Variants in DCUN1D1 observed in about 807,000 individuals in gnomAD.
The protein encoded by DCUN1D1 is DCN1-like protein 1.
Under a neutral mutation model 39.0 loss-of-function variants are expected in DCUN1D1, and 3 were observed. That is an observed-to-expected ratio of 0.08 (90% CI 0.04 to 0.20). DCUN1D1 has a LOEUF of 0.20. DCUN1D1 is among the 10% of genes least tolerant of loss of function. DCUN1D1 has a pLI of 1.00. For missense variants in DCUN1D1, 158 were observed against 302.4 expected (o/e 0.52, Z 3.54); for synonymous variants, 82 against 96.3 (o/e 0.85, Z 0.87).
chr3:182,969,224 C>T (rs185524699), intron 1 of DCUN1D1, among the ~76,000 whole-genome samples: 1 of 152,252 alleles, frequency 6.6e-6, no homozygotes, highest in East Asian at 1.9e-4. Flanking sequence ...AAAGGCTATC[C>T]TAGAATAAAG....
At position 182,940,151 on chromosome 3, in the gene DCUN1D1, C is replaced by T. The variant is rs1726072272; in HGVS notation, c.*4943G>A. 1 of 152,138 alleles carries T rather than the reference C, an allele frequency of 6.6e-6. No individual in the cohort carries two copies. The highest frequency in any genetic ancestry group is 1.5e-5 in the Non-Finnish European group (1 of 68,028). The allele number at this position is 152,138 out of a possible 1,614,324, so 9.4% of individuals were successfully genotyped here. A position where few individuals can be genotyped will look rare whatever the true frequency, so the allele number is the denominator to read the frequency against. ...TTTCATTAATTGGTCTTCCCCCAAC[C>T]TTATGCCCTATAGTATTTCTTTTTG... On this transcript the variant is annotated 3_prime_UTR_variant, in exon 7 of 7. Transcript: ENST00000292782.
chr3:182,962,679 C>A (rs910032909), intron 3 of DCUN1D1, among the ~76,000 whole-genome samples: 2 of 152,202 alleles, frequency 1.3e-5, no homozygotes, highest in African/African-American at 4.8e-5. Flanking sequence ...CAGCTTACTG[C>A]AACTGCTACC....
chr3:182,947,509 A>AT, intron 5 of DCUN1D1, 41 bp downstream of exon 5: 1 of 1,292,838 alleles, frequency 7.7e-7, no homozygotes, highest in Non-Finnish European at 1.1e-6. Flanking sequence ...ACATAGCAGA[A>AT]TTTGAGAAAA....
At chr3:182,955,545 C>T in intron 4 of DCUN1D1, 3 of 527,868 alleles carry the variant, frequency 5.7e-6, no homozygotes, top group East Asian at 5.1e-5. Flanking sequence ...ATTTTACATG[C>T]CACTCAAGAA....
At chr3:182,973,868 G>C (rs989288262) in intron 1 of DCUN1D1, among the ~76,000 whole-genome samples, 1 of 151,670 alleles carries the variant, frequency 6.6e-6, no homozygotes, top group Non-Finnish European at 1.5e-5. Flanking sequence ...GTAGACTTTT[G>C]TATACTTTTC....
intron 1 of DCUN1D1, among the ~76,000 whole-genome samples, chr3:182,969,856 T>C (rs1727845047): frequency 6.6e-6 from 1 of 152,228 alleles, no homozygotes; most frequent in Non-Finnish European, 1.5e-5. Context: ...AATGAATTTA[T>C]TTGTTCATCT....
At chr3:182,955,877 A>C (rs1356260030) in intron 4 of DCUN1D1, 2 of 179,122 alleles carry the variant, frequency 1.1e-5, no homozygotes, top group African/African-American at 4.8e-5. Context: ...CACCGCGCCC[A>C]GCCGCACCAT....
At chr3:182,952,786 A>T (rs993187630) in intron 4 of DCUN1D1, among the ~76,000 whole-genome samples, 4 of 152,162 alleles carry the variant, frequency 2.6e-5, no homozygotes, top group African/African-American at 9.7e-5. Context: ...GTACCTTTTA[A>T]ATCTATCTCT....
At chr3:182,959,137 G>T (rs1727245168) in intron 4 of DCUN1D1, among the ~76,000 whole-genome samples, 1 of 152,138 alleles carries the variant, frequency 6.6e-6, no homozygotes, top group Non-Finnish European at 1.5e-5. Context: ...GCCCCAGACA[G>T]AAAAACTAAT....
chr3:182,980,556 G>GATAAGTTGAGCAGCTGGGGGCGGCTGAAA, upstream of DCUN1D1: 1 of 1,200,866 alleles, frequency 8.3e-7, no homozygotes, highest in South Asian at 2.2e-5. Flanking sequence ...GGCGGCGGCG[G>GATAAGTTGAGCAGCTGGGGGCGGCTGAAA]CGGCTCCTCT....
In DCUN1D1 at chr3:182,940,239, A is replaced by G. The variant is rs1056103363; in HGVS notation, c.*4855T>C. On this transcript the variant is annotated 3_prime_UTR_variant, in exon 7 of 7. Coordinates refer to ENST00000292782, the MANE Select transcript of DCUN1D1 (RefSeq NM_020640.4). The stretch of plus-strand genomic sequence containing the variant: ...TTTCCATCAGATATAAGGTTTTCTC[A>G]GAATATTTCATAACCTGAAATAAAA... The G allele has an allele frequency of 1.3e-5, 2 of 152,224 alleles. No individual in the cohort carries two copies. The highest frequency in any genetic ancestry group is 4.8e-5 in the African/African-American group (2 of 41,462). 9.4% of individuals were successfully genotyped at this position (152,224 alleles called of 1,614,324 possible).
chr3:182,960,193 C>T (rs532412566), intron 4 of DCUN1D1, among the ~76,000 whole-genome samples: 1 of 152,112 alleles, frequency 6.6e-6, no homozygotes, highest in Non-Finnish European at 1.5e-5. Context: ...ATACTAAAAG[C>T]TCACATTAAA....
intron 6 of DCUN1D1, among the ~76,000 whole-genome samples, chr3:182,945,425 G>C (rs1246855841): frequency 6.6e-6 from 1 of 151,992 alleles, no homozygotes; most frequent in Non-Finnish European, 1.5e-5. Flanking sequence ...AACTTGTCTG[G>C]CAACTCATCA....
chr3:182,978,158 T>TA (rs1181812222), intron 1 of DCUN1D1, among the ~76,000 whole-genome samples: 1 of 152,170 alleles, frequency 6.6e-6, no homozygotes, highest in Non-Finnish European at 1.5e-5. Context: ...AGAACTTTTT[T>TA]ACTTATACAA....
At position 182,944,559 on chromosome 3, in the gene DCUN1D1, GA is replaced by G. The variant is rs200252908; in HGVS notation, c.*534del. The G allele has an allele frequency of 1.7e-3, 245 of 143,744 alleles. No homozygotes were observed. Among genetic ancestry groups the G allele is most frequent in the African/African-American group, 1.9e-3 (76 of 39,286 alleles). 8.9% of individuals were successfully genotyped at this position (143,744 alleles called of 1,614,324 possible). A position where few individuals can be genotyped will look rare whatever the true frequency, so the allele number is the denominator to read the frequency against. ...ATCAACAACACATGTGATTTGCCAGGAAAAAAAAAAAATTCCCCCCAAACCA... is the reference window on the plus strand; with the variant it reads ...ATCAACAACACATGTGATTTGCCAGGAAAAAAAAAAATTCCCCCCAAACCA... On this transcript the variant is annotated 3_prime_UTR_variant, in exon 7 of 7. Coordinates refer to ENST00000292782, the MANE Select transcript of DCUN1D1 (RefSeq NM_020640.4).
At chr3:182,983,242 A>G (rs939450207), upstream of DCUN1D1, among the ~76,000 whole-genome samples, 2 of 152,056 alleles carry the variant, frequency 1.3e-5, no homozygotes, top group African/African-American at 4.8e-5. Flanking sequence ...CAATTCTCCT[A>G]TCCCTGGCCT....
In DCUN1D1 at chr3:182,973,482, C is replaced by T. The variant is rs557513691; in HGVS notation, c.3+7005G>A. 2.6e-5 allele frequency among the ~76,000 whole-genome samples: 4 copies of T among 152,290 alleles called. No individual in the cohort carries two copies. The East Asian group carries it at 5.8e-4, about 22-fold the overall frequency. On this transcript the variant is annotated intron_variant, in intron 1 of 6. Coordinates refer to ENST00000292782, the MANE Select transcript of DCUN1D1 (RefSeq NM_020640.4). ...ATATACATACTACGTAATTATTGTG[C>T]ACAATGATACATTATGGCAATCTAC... is the stretch of plus-strand genomic sequence containing the variant.
chr3:182,961,133 G>A, intron 4 of DCUN1D1, 93 bp downstream of exon 4: 1 of 933,290 alleles, frequency 1.1e-6, no homozygotes, highest in South Asian at 1.8e-5. Flanking sequence ...ATGACTTTAT[G>A]CTCAAAACAC....
Position 182,980,499 on chromosome 3 carries a change from C to G in DCUN1D1, c.-10G>C. 1 of 1,240,138 alleles carries G rather than the reference C, an allele frequency of 8.1e-7. No homozygotes were observed. Among genetic ancestry groups the G allele is most frequent in the Non-Finnish European group, 1.0e-6 (1 of 971,816 alleles). The allele number at this position is 1,240,138 out of a possible 1,614,324, so 76.8% of individuals were successfully genotyped here. A position where few individuals can be genotyped will look rare whatever the true frequency, so the allele number is the denominator to read the frequency against. ...CGCAGTGCCTCACCATGTTGGTGTC[C>G]TCCAGGCCTCTCCCCTCCTCCTCCG... On this transcript the variant is annotated 5_prime_UTR_variant, in exon 1 of 7. Transcript: ENST00000292782.
Sources: gnomAD v4.1 joint callset for allele counts (sites outside exome capture counted in the v4.1 genomes callset) on GRCh38, gnomAD v4.1.1 for gene constraint, MANE v1.5 for transcripts, NCBI Gene and HGNC (gene_info 2026-07-23, HGNC 2026-07-21) for gene names.